Variants in CDH18 observed in about 807,000 individuals in gnomAD.
CDH18 encodes the protein cadherin 18, also known as cadherin-18.
A neutral mutation model predicts 67.9 loss-of-function variants in CDH18; 31 were observed. The ratio of observed to expected loss-of-function variants is 0.46; its 90% CI spans 0.34 to 0.62. CDH18 has a LOEUF of 0.62. CDH18 is among the 20% of genes least tolerant of loss of function. The pLI, the probability that CDH18 is intolerant of heterozygous loss-of-function variation, is 0.01. For synonymous variants in CDH18, 362 were observed against 347.2 expected, an observed-to-expected ratio of 1.04 and a Z score of -0.48; for missense variants, 890 against 975.5, an observed-to-expected ratio of 0.91 and a Z score of 1.17.
intron 8 of CDH18, among the ~76,000 whole-genome samples, chr5:19,549,416 A>G (rs1041207660): frequency 3.3e-4 from 51 of 152,296 alleles, no homozygotes; most frequent in African/African-American, 1.2e-3. Context: ...CTGCAGAATC[A>G]TGAGCCAATT....
chr5:19,701,986 T>C (rs1026975257), intron 5 of CDH18, among the ~76,000 whole-genome samples: 1 of 152,010 alleles, frequency 6.6e-6, no homozygotes, highest in African/African-American at 2.4e-5. Context: ...ATATAATCAT[T>C]TATCATGACC....
chr5:20,411,999 T>A (rs542573772), intron 1 of CDH18, among the ~76,000 whole-genome samples: 1 of 152,256 alleles, frequency 6.6e-6, no homozygotes, highest in African/African-American at 2.4e-5. Flanking sequence ...TATCAAATTA[T>A]CAACATCACT....
chr5:20,057,087 A>G (rs1742056907), intron 2 of CDH18, among the ~76,000 whole-genome samples: 1 of 152,154 alleles, frequency 6.6e-6, no homozygotes, highest in African/African-American at 2.4e-5. Flanking sequence ...TAAAAAGTCA[A>G]TCTCATAAAT....
intron 2 of CDH18, among the ~76,000 whole-genome samples, chr5:20,191,719 T>C (rs1738554921): frequency 6.6e-6 from 1 of 152,182 alleles, no homozygotes; most frequent in Non-Finnish European, 1.5e-5. Flanking sequence ...TAGTATTCCA[T>C]GATATATATG....
At chr5:19,718,175 T>A (rs1399195144) in intron 5 of CDH18, among the ~76,000 whole-genome samples, 1 of 151,994 alleles carries the variant, frequency 6.6e-6, no homozygotes, top group Non-Finnish European at 1.5e-5. Flanking sequence ...CAATGGTTAA[T>A]AAAATGCATC....
chr5:19,681,469 A>G (rs1043237236), intron 5 of CDH18, among the ~76,000 whole-genome samples: 5 of 152,054 alleles, frequency 3.3e-5, no homozygotes, highest in African/African-American at 1.2e-4. Flanking sequence ...ATTTATTTTA[A>G]TAACTAAAAA....
chr5:20,355,085 C>A (rs1741503285), intron 1 of CDH18, among the ~76,000 whole-genome samples: 1 of 152,168 alleles, frequency 6.6e-6, no homozygotes, highest in African/African-American at 2.4e-5. Flanking sequence ...TGTCAGATAT[C>A]CATAATGGTG....
intron 1 of CDH18, among the ~76,000 whole-genome samples, chr5:20,350,847 T>C (rs1437137135): frequency 6.6e-6 from 1 of 152,166 alleles, no homozygotes; most frequent in African/African-American, 2.4e-5. Context: ...TGGAATATTA[T>C]TCAGGTTAGA....
chr5:19,883,024 T>C (rs1262425217), intron 2 of CDH18, among the ~76,000 whole-genome samples: 1 of 152,162 alleles, frequency 6.6e-6, no homozygotes, highest in Admixed American at 6.6e-5. Context: ...AAAGGTGTGG[T>C]TGGGCTTTTC....
chr5:20,264,599 A>G (rs1182890087), intron 1 of CDH18, among the ~76,000 whole-genome samples: 2 of 152,098 alleles, frequency 1.3e-5, no homozygotes, highest in Non-Finnish European at 2.9e-5. Flanking sequence ...ATATCTACAT[A>G]CATAAAGACC....
At chr5:20,171,888 AT>A (rs764783341) in intron 2 of CDH18, among the ~76,000 whole-genome samples, 51 of 146,594 alleles carry the variant, frequency 3.5e-4, no homozygotes, top group Middle Eastern at 3.6e-3. Flanking sequence ...TCTTCAGTTG[AT>A]TTTTTTTTTA....
intron 1 of CDH18, among the ~76,000 whole-genome samples, chr5:20,362,964 T>C (rs1742204010): frequency 6.6e-6 from 1 of 152,166 alleles, no homozygotes; most frequent in Non-Finnish European, 1.5e-5. Context: ...TGGAGCTTTA[T>C]GGTAGAAACA....
intron 2 of CDH18, among the ~76,000 whole-genome samples, chr5:19,996,996 A>G (rs1403569124): frequency 6.6e-6 from 1 of 152,086 alleles, no homozygotes; most frequent in Non-Finnish European, 1.5e-5. Context: ...AGAAGCTAAG[A>G]AACTAGAAAG....
At chr5:19,769,936 C>T (rs1250971121) in intron 3 of CDH18, among the ~76,000 whole-genome samples, 3 of 151,718 alleles carry the variant, frequency 2.0e-5, no homozygotes, top group Non-Finnish European at 2.9e-5. Flanking sequence ...TTTGAGTACA[C>T]ACTTCTCAAA....
intron 2 of CDH18, among the ~76,000 whole-genome samples, chr5:20,068,182 A>C (rs1743149592): frequency 6.6e-6 from 1 of 152,130 alleles, no homozygotes; most frequent in African/African-American, 2.4e-5. Flanking sequence ...GTCATCTCTA[A>C]AGAACGTGGC....
At chr5:19,792,055 T>C (rs1776415936) in intron 3 of CDH18, among the ~76,000 whole-genome samples, 1 of 152,168 alleles carries the variant, frequency 6.6e-6, no homozygotes, top group South Asian at 2.1e-4. Context: ...TTGATTGATA[T>C]AATGGTTAAT....
chr5:19,698,740 A>C (rs2150462684), intron 5 of CDH18, among the ~76,000 whole-genome samples: 1 of 152,202 alleles, frequency 6.6e-6, no homozygotes. Context: ...GGGAGAGAAA[A>C]GATGTGGAAG....
Position 20,038,113 on chromosome 5 carries a change from A to G in CDH18, c.-517-46099T>C, listed in dbSNP as rs113415179. 0.022 allele frequency among the ~76,000 whole-genome samples: 3,385 copies of G among 152,282 alleles called. 182 individuals are homozygous for G. The East Asian group carries it at 0.25, about 11-fold the overall frequency. The stretch of plus-strand genomic sequence containing the variant: ...TAGAAAATCTAGAAGAAATGGATAA[A>G]TTCCTGAACAAATAAACCCTCCCAA... On this transcript the variant is annotated intron_variant, in intron 2 of 14. Coordinates refer to the CDH18 transcript ENST00000507958.
chr5:20,385,534 T>C (rs1344443422), intron 1 of CDH18, among the ~76,000 whole-genome samples: 2 of 152,206 alleles, frequency 1.3e-5, no homozygotes, highest in Non-Finnish European at 2.9e-5. Context: ...TCACAGAATT[T>C]GCAACCAAAT....
Sources: allele counts gnomAD v4.1 joint callset (sites outside exome capture counted in the v4.1 genomes callset), GRCh38; gene constraint gnomAD v4.1.1; transcripts MANE v1.5; gene names NCBI Gene and HGNC (gene_info 2026-07-23, HGNC 2026-07-21).